Variants in KLHL15 observed in about 807,000 individuals in gnomAD.
The protein encoded by KLHL15 is kelch like family member 15, also known as kelch-like protein 15.
Under a neutral mutation model 29.3 loss-of-function variants are expected in KLHL15, and 1 was observed. The observed-to-expected ratio is 0.03, with a 90% confidence interval of 0.01 to 0.16. KLHL15 has a LOEUF of 0.16. Ranked by LOEUF, KLHL15 falls within the 10% of genes least tolerant of loss-of-function variation. The pLI is 1.00. For missense variants in KLHL15, 215 were observed against 478.5 expected (o/e 0.45, Z 5.14); for synonymous variants, 212 against 184.5 (o/e 1.15, Z -1.21).
In KLHL15 at chrX:23,988,338, G is replaced by A; in HGVS notation, c.1398C>T (p.Asn466=). 8.3e-7 allele frequency: 1 copy of A among 1,211,535 alleles called. No homozygotes were observed. The highest frequency in any genetic ancestry group is 1.1e-6 in the Non-Finnish European group (1 of 895,380). Residue 466 remains asparagine (N), a synonymous_variant, in exon 4 of 4, where the codon AAC becomes AAT. Coordinates refer to ENST00000328046, the MANE Select transcript of KLHL15 (RefSeq NM_030624.3). ...TCATCTTGCTCTTATTCTCCCAACA[G>A]TTGGTAACCACTTGAGTTCTCCTGG... ...QRTRRTQVVT[N]CWENKSKMNY...
chrX:24,025,727 AG>A (rs1396526513), intron 1 of KLHL15, among the ~76,000 whole-genome samples: 6 of 10,164 alleles, frequency 5.9e-4, no homozygotes, highest in South Asian at 4.2e-3. Flanking sequence ...ACGGGGGGGA[AG>A]GGGGGGCGGG....
intron 2 of KLHL15, among the ~76,000 whole-genome samples, chrX:24,023,322 C>T (rs1284302034): frequency 9.0e-6 from 1 of 111,469 alleles, no homozygotes; most frequent in East Asian, 2.8e-4. Context: ...GTGATAAATC[C>T]AATCTATAAA....
At chrX:24,013,778 C>T (rs1261336398) in intron 2 of KLHL15, among the ~76,000 whole-genome samples, 4 of 109,440 alleles carry the variant, frequency 3.7e-5, no homozygotes, top group African/African-American at 1.3e-4. Context: ...GAGGCCAAGG[C>T]GGGAGGATTG....
At chrX:23,999,200 C>A (rs756105280) in intron 3 of KLHL15, among the ~76,000 whole-genome samples, 11 of 110,842 alleles carry the variant, frequency 9.9e-5, no homozygotes, top group African/African-American at 3.6e-4. Context: ...TGAGCCACTG[C>A]GCTTGGCCAC....
intron 3 of KLHL15, among the ~76,000 whole-genome samples, chrX:23,997,767 A>T (rs201575960): frequency 0.17 from 14,617 of 88,385 alleles, 1,306 homozygotes; most frequent in East Asian, 0.48. Flanking sequence ...TTTTTTTTTT[A>T]AATTTTAGAA....
chrX:24,026,325 A>T lies in KLHL15; in HGVS notation c.-210+815T>A, dbSNP rs1354885857. Among the ~76,000 whole-genome samples the T allele has an allele frequency of 3.6e-5, 4 of 112,398 alleles. 1 individual carries two copies. Among genetic ancestry groups the T allele is most frequent in the Middle Eastern group, 8.4e-3 (2 of 239 alleles). ...AATCAAGAACGAACATTCAGAGGGC[A>T]GTGATTTTTGTTGTTCGTTTTTTAT... On this transcript the variant is annotated intron_variant, in intron 1 of 3. Coordinates refer to ENST00000328046, the MANE Select transcript of KLHL15 (RefSeq NM_030624.3).
chrX:24,014,514 CAAA>C, intron 2 of KLHL15, among the ~76,000 whole-genome samples: 1 of 72,548 alleles, frequency 1.4e-5, no homozygotes, highest in South Asian at 1.2e-3. Flanking sequence ...TATGCTTTCT[CAAA>C]AAAACAAAAA....
chrX:24,006,462 T>A lies in KLHL15; in HGVS notation c.232A>T (p.Thr78Ser). The A allele has an allele frequency of 8.3e-7, 1 of 1,210,830 alleles. No individual in the cohort carries two copies. The highest frequency in any genetic ancestry group is 1.7e-5 in the African/African-American group (1 of 57,717). Residue 78 changes from threonine to serine, a missense_variant, in exon 3 of 4, where the codon ACA becomes TCA. Physicochemically the swap from Thr to Ser is moderately conservative, Grantham distance 58 (BLOSUM62 1). Coordinates refer to ENST00000328046, the MANE Select transcript of KLHL15 (RefSeq NM_030624.3). The stretch of plus-strand genomic sequence containing the variant: ...AGGACATGGCTGAAACCGGTAGCTG[T>A]TAGACCTTTTAAATGAATTTTGTCC... ...DQDKIHLKGL[T>S]ATGFSHVLQF...
At chrX:24,013,786 T>C (rs183537363) in intron 2 of KLHL15, among the ~76,000 whole-genome samples, 320 of 109,950 alleles carry the variant, frequency 2.9e-3, no homozygotes, top group South Asian at 0.02. Flanking sequence ...GGCGGGAGGA[T>C]TGCTTGAGCC....
chrX:24,007,219 G>A (rs1441616824), intron 2 of KLHL15, among the ~76,000 whole-genome samples: 25 of 107,603 alleles, frequency 2.3e-4, no homozygotes, highest in African/African-American at 6.4e-4. Flanking sequence ...TCGGCTGGGC[G>A]CGGTGGCTCA....
intron 3 of KLHL15, among the ~76,000 whole-genome samples, chrX:24,001,802 C>CAAAAAAAAAAAAAAAAAAAAAAAAAAA (rs766669649): frequency 4.4e-5 from 1 of 22,670 alleles, no homozygotes; most frequent in Admixed American, 7.4e-4. Context: ...AGACTTGACT[C>CAAAAAAAAAAAAAAAAAAAAAAAAAAA]AAAAAAAAAA....
At chrX:24,005,832 A>G (rs191740561) in intron 3 of KLHL15, among the ~76,000 whole-genome samples, 157 bp downstream of exon 3, 4 of 112,213 alleles carry the variant, frequency 3.6e-5, no homozygotes, top group African/African-American at 3.2e-5. Flanking sequence ...CTTCTTATAC[A>G]TAAAGTACTC....
intron 2 of KLHL15, among the ~76,000 whole-genome samples, chrX:24,020,643 A>G (rs1929784790): frequency 9.0e-6 from 1 of 111,639 alleles, no homozygotes; most frequent in Non-Finnish European, 1.9e-5. Flanking sequence ...GAAGACTTTA[A>G]TTTAATGCTT....
rs1268097272 is a variant in KLHL15, at chrX:23,988,806, T to A, written c.930A>T (p.Leu310=). Residue 310 remains leucine, a synonymous_variant, in exon 4 of 4, where the codon CTA becomes CTT. Coordinates refer to ENST00000328046, the MANE Select transcript of KLHL15 (RefSeq NM_030624.3). ...LLKKPRVWWE[L]EGPQVPLRPD... is the part of the protein sequence containing the mutation. ...GTCGCAGAGGTACTTGTGGGCCTTCTAGCTCCCACCAGACTCTTGGTTTCT... is the reference window on the plus strand; with the variant it reads ...GTCGCAGAGGTACTTGTGGGCCTTCAAGCTCCCACCAGACTCTTGGTTTCT... The A allele has an allele frequency of 8.3e-7, 1 of 1,210,042 alleles. No homozygotes were observed. Among genetic ancestry groups the A allele is most frequent in the African/African-American group, 1.7e-5 (1 of 57,204 alleles).
chrX:23,996,044 C>A (rs774699672), intron 3 of KLHL15, among the ~76,000 whole-genome samples: 1 of 112,703 alleles, frequency 8.9e-6, no homozygotes, highest in East Asian at 2.8e-4. Flanking sequence ...CCACCACACC[C>A]AGCCACGAAA....
At chrX:24,003,482 G>C (rs1208897181) in intron 3 of KLHL15, among the ~76,000 whole-genome samples, 2 of 107,373 alleles carry the variant, frequency 1.9e-5, no homozygotes, top group African/African-American at 6.8e-5. Flanking sequence ...GAACCTGAGA[G>C]GCAGAGCTTG....
chrX:23,988,056 G>A lies in KLHL15; in HGVS notation c.1680C>T (p.Ile560=), dbSNP rs1929017134. The A allele has an allele frequency of 8.3e-7, 1 of 1,211,186 alleles. No homozygotes were observed. Among genetic ancestry groups the A allele is most frequent in the East Asian group, 3.0e-5 (1 of 33,826 alleles). ...LCYNGHYSDS[I]LTFDPDENKW... Reference sequence around the variant, plus strand: ...TGTTTTCATCCGGATCAAAAGTGAGGATGGAATCGCTGTAATGACCATTAT... The same window carrying A: ...TGTTTTCATCCGGATCAAAAGTGAGAATGGAATCGCTGTAATGACCATTAT... Residue 560 remains isoleucine (I), a synonymous_variant, in exon 4 of 4, where the codon ATC becomes ATT. Coordinates refer to ENST00000328046, the MANE Select transcript of KLHL15 (RefSeq NM_030624.3).
intron 2 of KLHL15, among the ~76,000 whole-genome samples, chrX:24,017,105 G>C (rs921278187): frequency 9.2e-5 from 10 of 108,794 alleles, no homozygotes; most frequent in Non-Finnish European, 1.5e-4. Flanking sequence ...TCAGCTACTT[G>C]GGAGACTGAG....
At chrX:24,019,789 G>A (rs1384351306) in intron 2 of KLHL15, among the ~76,000 whole-genome samples, 2 of 111,830 alleles carry the variant, frequency 1.8e-5, no homozygotes, top group African/African-American at 6.5e-5. Context: ...AAGTTTGGTG[G>A]GGGTAAAACT....
Sources: gnomAD v4.1 joint callset for allele counts (sites outside exome capture counted in the v4.1 genomes callset) on GRCh38, gnomAD v4.1.1 for gene constraint, MANE v1.5 for transcripts, NCBI Gene and HGNC (gene_info 2026-07-23, HGNC 2026-07-21) for gene names.